RYR3: variants seen among roughly 807,000 people sequenced by gnomAD.
RYR3 encodes ryanodine receptor 3, also known as brain ryanodine receptor-calcium release channel.
In RYR3, 207 loss-of-function variants were observed where a neutral mutation model predicts 584.3. The observed-to-expected ratio is 0.35, with a 90% CI of 0.32 to 0.40. The LOEUF (loss-of-function observed/expected upper bound fraction) is 0.40, where lower values mean the gene tolerates loss of function less well. RYR3 is among the 10% of genes least tolerant of loss of function. The pLI is 1.00. For missense variants in RYR3, 5,616 were observed against 6,089.2 expected, an observed-to-expected ratio of 0.92 and a Z score of 2.59; for synonymous variants, 2,416 against 2,248.5, an observed-to-expected ratio of 1.07 and a Z score of -2.11.
chr15:33,532,089 A>G (rs986860973), intron 4 of RYR3, among the ~76,000 whole-genome samples: 13 of 152,192 alleles, frequency 8.5e-5, no homozygotes, highest in African/African-American at 2.9e-4. Context: ...AATAAAGCCT[A>G]TAAGATATGG....
At chr15:33,606,862 A>G (rs2059933957) in intron 18 of RYR3, among the ~76,000 whole-genome samples, 1 of 152,106 alleles carries the variant, frequency 6.6e-6, no homozygotes, top group African/African-American at 2.4e-5. Flanking sequence ...TAAGCAAAAG[A>G]ATTGACCATC....
intron 34 of RYR3, among the ~76,000 whole-genome samples, chr15:33,661,370 G>C (rs1202450325): frequency 6.6e-6 from 1 of 152,208 alleles, no homozygotes; most frequent in African/African-American, 2.4e-5. Flanking sequence ...CTGGACAAGA[G>C]TGCAGAGTAT....
intron 21 of RYR3, 71 bp from the exon 22 acceptor site, chr15:33,629,869 C>G: frequency 1.3e-6 from 1 of 782,044 alleles, no homozygotes; most frequent in South Asian, 1.7e-5. Context: ...AAAGTATGTT[C>G]TGTTCTGTTT....
chr15:33,831,182 C>A, intron 86 of RYR3, 91 bp downstream of exon 86: 2 of 1,266,936 alleles, frequency 1.6e-6, no homozygotes, highest in South Asian at 1.5e-5. Context: ...TGATTGTACA[C>A]AGTGCACTAT....
chr15:33,762,132 A>G (rs753610822), intron 60 of RYR3, among the ~76,000 whole-genome samples: 6 of 152,194 alleles, frequency 3.9e-5, no homozygotes, highest in Admixed American at 6.5e-5. Context: ...ATTTATGACA[A>G]ACCCACAGCC....
At chr15:33,511,262 C>G (rs1011019748) in intron 3 of RYR3, among the ~76,000 whole-genome samples, 2 of 149,852 alleles carry the variant, frequency 1.3e-5, no homozygotes, top group African/African-American at 4.9e-5. Context: ...ACATTTAACG[C>G]TCTTGCAAAC....
chr15:33,625,247 G>T (rs1045281226), intron 20 of RYR3, among the ~76,000 whole-genome samples: 1 of 152,120 alleles, frequency 6.6e-6, no homozygotes, highest in South Asian at 2.1e-4. Context: ...AGGGGGGAAG[G>T]CTGCCCCTAT....
chr15:33,696,632 C>T, intron 39 of RYR3, 141 bp downstream of exon 39: 1 of 905,654 alleles, frequency 1.1e-6, no homozygotes, highest in East Asian at 2.6e-5. Flanking sequence ...CTCATGGAGT[C>T]ATATCCTTTG....
At chr15:33,497,566 C>T (rs2142628839) in intron 2 of RYR3, among the ~76,000 whole-genome samples, 1 of 152,254 alleles carries the variant, frequency 6.6e-6, no homozygotes, top group Middle Eastern at 3.4e-3. Flanking sequence ...TTCAGCCTAG[C>T]CCTCTTTATC....
At chr15:33,552,745 G>A (rs1014332845) in intron 10 of RYR3, among the ~76,000 whole-genome samples, 2 of 152,160 alleles carry the variant, frequency 1.3e-5, no homozygotes, top group African/African-American at 2.4e-5. Flanking sequence ...CAATAAGGAA[G>A]AGCATGTGGA....
In RYR3 at chr15:33,838,915, C is replaced by A; in HGVS notation, c.12935C>A (p.Pro4312His). The A allele has an allele frequency of 1.2e-6, 2 of 1,613,734 alleles. No homozygotes were observed. The highest frequency in any genetic ancestry group is 1.7e-6 in the Non-Finnish European group (2 of 1,179,782). ...TCAGAAATTATTGGCAAGGATGAAC[C>A]CCCTACATTAGAGAGTACTGTACAG... ...DLSEIIGKDE[P>H]PTLESTVQKK... The change falls in exon 89 of 104, where the codon CCC (proline) becomes CAC (histidine). Residue 4312 changes from proline (P) to histidine (H), a missense_variant. Transcript: ENST00000634891.
chr15:33,402,744 A>G (rs2042763567), intron 1 of RYR3, among the ~76,000 whole-genome samples: 1 of 152,236 alleles, frequency 6.6e-6, no homozygotes, highest in Non-Finnish European at 1.5e-5. Flanking sequence ...CAGGACGACA[A>G]TGACTCAAGG....
At chr15:33,848,589 G>A (rs1252660350) in intron 94 of RYR3, among the ~76,000 whole-genome samples, 168 bp downstream of exon 94, 1 of 152,144 alleles carries the variant, frequency 6.6e-6, no homozygotes, top group Non-Finnish European at 1.5e-5. Flanking sequence ...TCAAATACTT[G>A]TATAGACTTC....
chr15:33,717,347 A>G (rs1222607064), intron 43 of RYR3, among the ~76,000 whole-genome samples: 1 of 152,060 alleles, frequency 6.6e-6, no homozygotes, highest in Admixed American at 6.6e-5. Flanking sequence ...ACCACCCAAA[A>G]CCCGTTCTTC....
intron 1 of RYR3, among the ~76,000 whole-genome samples, chr15:33,428,941 C>T (rs2044883209): frequency 6.6e-6 from 1 of 152,182 alleles, no homozygotes; most frequent in South Asian, 2.1e-4. Flanking sequence ...CCTGAAGCTG[C>T]TGAGATTCTT....
chr15:33,497,040 A>G (rs933962656), intron 2 of RYR3, among the ~76,000 whole-genome samples: 3 of 152,172 alleles, frequency 2.0e-5, no homozygotes, highest in African/African-American at 7.2e-5. Context: ...GACTACCTGC[A>G]TGGCTAATAC....
At chr15:33,514,047 G>A (rs1178325202) in intron 3 of RYR3, among the ~76,000 whole-genome samples, 1 of 151,998 alleles carries the variant, frequency 6.6e-6, no homozygotes, top group Non-Finnish European at 1.5e-5. Context: ...TAGGTGTTTT[G>A]GTTTAAAAAA....
Position 33,854,910 on chromosome 15 carries a change from C to A in RYR3, c.14005C>A (p.Gln4669Lys). 6.2e-7 allele frequency: 1 copy of A among 1,609,226 alleles called. No individual in the cohort carries two copies. Among genetic ancestry groups the A allele is most frequent in the South Asian group, 1.1e-5 (1 of 89,734 alleles). ...GTCATCTGTAACTCACAATGGCAAA[C>A]AGGTATGGTTTCTACTGATGCAGAA... The part of the protein sequence containing the change: ...ILSSVTHNGK[Q>K]LVLTVGLLAV... Residue 4669 changes from glutamine to lysine, a missense_variant and splice_region_variant, in exon 98 of 104, where the codon CAG becomes AAG. Gln to Lys is a moderately conservative substitution (Grantham distance 53, BLOSUM62 1). Coordinates refer to ENST00000634891, the MANE Select transcript of RYR3 (RefSeq NM_001036.6).
In RYR3 at chr15:33,446,164, A is replaced by G. The variant is rs568596156; in HGVS notation, c.52-27255A>G. On this transcript the variant is annotated intron_variant, in intron 1 of 103. Transcript: ENST00000634891. ...CCTGGAGAAAATTCGTTTAATTACC[A>G]CTGACCTCACTAACTTCTGCTTTTC... Among the ~76,000 whole-genome samples, 14 of 152,278 alleles carry G rather than the reference A, an allele frequency of 9.2e-5. No homozygotes were observed. The South Asian group carries it at 2.9e-3, about 32-fold the overall frequency.
Sources: allele counts gnomAD v4.1 joint callset (sites outside exome capture counted in the v4.1 genomes callset), GRCh38; gene constraint gnomAD v4.1.1; transcripts MANE v1.5; gene names NCBI Gene and HGNC (gene_info 2026-07-23, HGNC 2026-07-21).